FXN: variants seen among roughly 807,000 people sequenced by gnomAD.
FXN encodes frataxin, mitochondrial.
A neutral mutation model predicts 22.4 loss-of-function variants in FXN; 14 were observed. That is an observed-to-expected ratio of 0.62 (90% CI 0.41 to 0.98). The LOEUF is 0.98. FXN is among the 50% of genes least tolerant of loss of function. The probability of loss-of-function intolerance (pLI) is 0.00; values close to 1 mark genes in which losing one functional copy is unlikely to be tolerated. For synonymous variants in FXN, 120 were observed against 114.1 expected (o/e 1.05, Z -0.33); for missense variants, 267 against 268.4 (o/e 0.99, Z 0.04).
rs543178023 is a variant in FXN at position 69,042,637 on chromosome 9, G to A, written c.166-3748G>A. On this transcript the variant is annotated intron_variant, in intron 1 of 4. Transcript: ENST00000484259. ...GACTTCTACTTGTGCCTTTGAAGGAGTAACTGCATTTGACCTTCCCACCAG... is the reference window on the plus strand; with the variant it reads ...GACTTCTACTTGTGCCTTTGAAGGAATAACTGCATTTGACCTTCCCACCAG... Among the ~76,000 whole-genome samples, 62 of 152,306 alleles carry A rather than the reference G, an allele frequency of 4.1e-4. No homozygotes were observed. The South Asian group carries it at 9.1e-3, about 22-fold the overall frequency.
chr9:69,052,104 T>C (rs1348907794), intron 2 of FXN, among the ~76,000 whole-genome samples: 1 of 151,278 alleles, frequency 6.6e-6, no homozygotes, highest in African/African-American at 2.4e-5. Context: ...CGCCTCAGCC[T>C]CCCAAAATGC....
In FXN at chr9:69,076,166, T is replaced by C. The variant is rs1832363617; in HGVS notation, c.*3404T>C. ...GTTTTTGAATCACAAATTTAGAATT[T>C]AATCGAAACTCTGCCTCTTACTTGT... On this transcript the variant is annotated 3_prime_UTR_variant, in exon 5 of 5. Transcript: ENST00000484259. The C allele has an allele frequency of 1.0e-6, 1 of 985,072 alleles. No homozygotes were observed. The highest frequency in any genetic ancestry group is 4.7e-5 in the South Asian group (1 of 21,280). The allele number at this position is 985,072 out of a possible 1,614,324, so 61.0% of individuals were successfully genotyped here. A position where few individuals can be genotyped will look rare whatever the true frequency, so the allele number is the denominator to read the frequency against.
chr9:69,065,898 CT>C (rs1832158408), intron 4 of FXN, among the ~76,000 whole-genome samples: 1 of 152,174 alleles, frequency 6.6e-6, no homozygotes, highest in Non-Finnish European at 1.5e-5. Context: ...TTTGAATTCC[CT>C]TTGCAGGTTG....
chr9:69,045,374 T>C (rs1284133167), intron 1 of FXN, among the ~76,000 whole-genome samples: 2 of 151,856 alleles, frequency 1.3e-5, no homozygotes, highest in Non-Finnish European at 2.9e-5. Context: ...GGAGGGCAGA[T>C]CACTTGAGGC....
chr9:69,076,242 A>G lies in FXN; in HGVS notation c.*3480A>G, dbSNP rs1832366465. ...GTTTTTTTTTTTTTTAATCTATAAA[A>G]TGGAGATATCTAACATGTTGAGCCT... On this transcript the variant is annotated 3_prime_UTR_variant, in exon 5 of 5. Transcript: ENST00000484259. The G allele has an allele frequency of 2.0e-6, 2 of 982,826 alleles. No homozygotes were observed. The highest frequency in any genetic ancestry group is 6.2e-5 in the Admixed American group (1 of 16,160). 60.9% of individuals were successfully genotyped at this position (982,826 alleles called of 1,614,324 possible).
Position 69,073,253 on chromosome 9 carries a change from T to G in FXN, c.*491T>G. 1 of 1,025,288 alleles carries G rather than the reference T, an allele frequency of 9.8e-7. No individual in the cohort carries two copies. Among genetic ancestry groups the G allele is most frequent in the Non-Finnish European group, 1.2e-6 (1 of 854,172 alleles). 63.5% of individuals were successfully genotyped at this position (1,025,288 alleles called of 1,614,324 possible). On this transcript the variant is annotated 3_prime_UTR_variant, in exon 5 of 5. Coordinates refer to ENST00000484259, the MANE Select transcript of FXN (RefSeq NM_000144.5). ...CAGGCTTCTTTCAAAGTGTAAGCAC[T>G]TCTGAGCTCTTTAGCATTGAAGTGT...
At chr9:69,036,965 T>C (rs76967318) in intron 1 of FXN, among the ~76,000 whole-genome samples, 1,592 of 152,138 alleles carry the variant, frequency 0.01, 13 homozygotes, top group Middle Eastern at 0.024. Flanking sequence ...GTACGCCGCA[T>C]GTATTAGGGG....
intron 3 of FXN, among the ~76,000 whole-genome samples, chr9:69,061,615 C>T (rs984815262): frequency 6.6e-6 from 1 of 151,498 alleles, no homozygotes; most frequent in Admixed American, 6.6e-5. Flanking sequence ...GTGTGCTGCA[C>T]CCATTAACTC....
At chr9:69,046,809 C>G (rs1162384181) in intron 2 of FXN, among the ~76,000 whole-genome samples, 2 of 152,156 alleles carry the variant, frequency 1.3e-5, no homozygotes, top group African/African-American at 4.8e-5. Flanking sequence ...CGTTTGTGTC[C>G]TCCTCTCTGG....
In FXN at chr9:69,035,815, C is replaced by T. The variant is rs1463678332; in HGVS notation, c.33C>T (p.Gly11=). 6.6e-7 allele frequency: 1 copy of T among 1,511,936 alleles called. No individual in the cohort carries two copies. The allele number at this position is 1,511,936 out of a possible 1,614,324, so 93.7% of individuals were successfully genotyped here. A position where few individuals can be genotyped will look rare whatever the true frequency, so the allele number is the denominator to read the frequency against. MWTLGRRAVA[G]LLASPSPAQA... ...CTCTCGGGCGCCGCGCAGTAGCCGG[C>T]CTCCTGGCGTCACCCAGCCCAGCCC... is the stretch of plus-strand genomic sequence containing the variant. The change falls in exon 1 of 5, where the codon GGC becomes GGT. Residue 11 remains glycine (G), a synonymous_variant. Coordinates refer to ENST00000484259, the MANE Select transcript of FXN (RefSeq NM_000144.5).
rs960947438 is a variant in FXN at position 69,035,926 on chromosome 9, G to C, written c.144G>C (p.Ala48=). The C allele has an allele frequency of 5.4e-6, 8 of 1,477,582 alleles. No homozygotes were observed. Among genetic ancestry groups the C allele is most frequent in the Non-Finnish European group, 7.1e-6 (8 of 1,120,380 alleles). 91.5% of individuals were successfully genotyped at this position (1,477,582 alleles called of 1,614,324 possible). A position where few individuals can be genotyped will look rare whatever the true frequency, so the allele number is the denominator to read the frequency against. ...GRRGLRTDID[A]TCTPRRASSN... is the part of the protein sequence containing the mutation. ...GTGGCCTGCGCACCGACATCGATGC[G>C]ACCTGCACGCCCCGCCGCGCAGTAA... The change falls in exon 1 of 5, where the codon GCG becomes GCC. Residue 48 remains alanine (A), a synonymous_variant. Coordinates refer to ENST00000484259, the MANE Select transcript of FXN (RefSeq NM_000144.5).
In FXN at chr9:69,077,605, A is replaced by G. The variant is rs1043068257; in HGVS notation, c.*4843A>G. 1.0e-6 allele frequency: 1 copy of G among 985,366 alleles called. No individual in the cohort carries two copies. Among genetic ancestry groups the G allele is most frequent in the African/African-American group, 1.7e-5 (1 of 57,228 alleles). 61.0% of individuals were successfully genotyped at this position (985,366 alleles called of 1,614,324 possible). On this transcript the variant is annotated 3_prime_UTR_variant, in exon 5 of 5. Coordinates refer to ENST00000484259, the MANE Select transcript of FXN (RefSeq NM_000144.5). ...ACTTGTGTTTCTGTGATCTGTGGGA[A>G]CATTGTTAACGCCACATCTTGACCT...
Position 69,072,274 on chromosome 9 carries a change from A to G in FXN, c.483-338A>G, listed in dbSNP as rs138026620. Reference sequence around the variant, plus strand: ...GTAAGGCACAAGTTACATCTGTAGCACAAAAATGGCCCTAATTTTTAAAAC... The same window carrying G: ...GTAAGGCACAAGTTACATCTGTAGCGCAAAAATGGCCCTAATTTTTAAAAC... On this transcript the variant is annotated intron_variant, in intron 4 of 4. Transcript: ENST00000484259. Among the ~76,000 whole-genome samples, 175 of 152,368 alleles carry G rather than the reference A, an allele frequency of 1.1e-3. 1 individual carries two copies. Among genetic ancestry groups the G allele is most frequent in the African/African-American group, 4.1e-3 (171 of 41,590 alleles).
At chr9:69,071,239 C>T (rs768545612) in intron 4 of FXN, 1 of 519,032 alleles carries the variant, frequency 1.9e-6, no homozygotes, top group Non-Finnish European at 3.8e-6. Context: ...TTTATTAGTC[C>T]TTTTCCTGTG....
chr9:69,066,941 A>G (rs1458667961), intron 4 of FXN, among the ~76,000 whole-genome samples: 1 of 152,058 alleles, frequency 6.6e-6, no homozygotes, highest in Non-Finnish European at 1.5e-5. Context: ...TGGCCAGAGC[A>G]GGCCACACCC....
In FXN at chr9:69,078,617, T is replaced by C; in HGVS notation, c.*5855T>C. On this transcript the variant is annotated 3_prime_UTR_variant, in exon 5 of 5. Coordinates refer to ENST00000484259, the MANE Select transcript of FXN (RefSeq NM_000144.5). ...GACTCTACATATAATTATGCTTTTCTACCCCCTCACACTCAACACTTTGAC... is the reference window on the plus strand; with the variant it reads ...GACTCTACATATAATTATGCTTTTCCACCCCCTCACACTCAACACTTTGAC... The C allele has an allele frequency of 1.0e-6, 1 of 985,820 alleles. No homozygotes were observed. Among genetic ancestry groups the C allele is most frequent in the Non-Finnish European group, 1.2e-6 (1 of 829,984 alleles). 61.1% of individuals were successfully genotyped at this position (985,820 alleles called of 1,614,324 possible).
chr9:69,047,097 A>G (rs1483169410), intron 2 of FXN, among the ~76,000 whole-genome samples: 1 of 152,152 alleles, frequency 6.6e-6, no homozygotes, highest in African/African-American at 2.4e-5. Context: ...CCCTGGAAAA[A>G]GCCGGCACGG....
chr9:69,040,689 A>C (rs1179653114), intron 1 of FXN, among the ~76,000 whole-genome samples: 7 of 152,068 alleles, frequency 4.6e-5, no homozygotes, highest in Non-Finnish European at 1.0e-4. Context: ...TAAATAAATA[A>C]ATAAATATTT....
At chr9:69,065,167 G>A in intron 4 of FXN, 132 bp downstream of exon 4, 1 of 719,978 alleles carries the variant, frequency 1.4e-6, no homozygotes, top group Non-Finnish European at 2.5e-6. Context: ...TTGAGAGGCT[G>A]AGGTAGGAGG....
Sources: allele counts gnomAD v4.1 joint callset (sites outside exome capture counted in the v4.1 genomes callset), GRCh38; gene constraint gnomAD v4.1.1; transcripts MANE v1.5; gene names NCBI Gene and HGNC (gene_info 2026-07-23, HGNC 2026-07-21).